The following KCNG2 variants were observed in gnomAD, a reference collection of about 807,000 sequenced individuals.
KCNG2 encodes the protein voltage-gated potassium channel regulatory subunit KCNG2.
KCNG2 carries 7 observed loss-of-function variants against 12.3 expected under a neutral mutation model. That is an observed-to-expected ratio of 0.57 (90% CI 0.32 to 1.07). The LOEUF is 1.07. Among genes scored for constraint, KCNG2 ranks in the 50% least tolerant of loss-of-function variants. KCNG2 has a pLI of 0.04. For synonymous variants in KCNG2, 414 were observed against 351.4 expected (o/e 1.18, Z -1.99); for missense variants, 703 against 726.0 (o/e 0.97, Z 0.36).
intron 1 of KCNG2, among the ~76,000 whole-genome samples, chr18:79,806,048 C>T (rs368716831): frequency 2.4e-4 from 36 of 152,230 alleles, no homozygotes; most frequent in East Asian, 1.4e-3. Flanking sequence ...AGGAAGGAGG[C>T]GGCTGGGATA....
chr18:79,812,445 G>T (rs1483967195), intron 1 of KCNG2, among the ~76,000 whole-genome samples: 3 of 152,128 alleles, frequency 2.0e-5, no homozygotes, highest in Non-Finnish European at 4.4e-5. Flanking sequence ...ACTTAAAGAA[G>T]AATTCATTCT....
intron 1 of KCNG2, among the ~76,000 whole-genome samples, chr18:79,811,120 A>G (rs1390907674): frequency 6.6e-6 from 1 of 152,258 alleles, no homozygotes; most frequent in Non-Finnish European, 1.5e-5. Context: ...GTTCACGGAT[A>G]GGAAGACTTA....
At chr18:79,842,539 G>C (rs1978493030) in intron 1 of KCNG2, among the ~76,000 whole-genome samples, 1 of 152,138 alleles carries the variant, frequency 6.6e-6, no homozygotes, top group East Asian at 1.9e-4. Flanking sequence ...CAAACAGCCT[G>C]ACAAAGAATT....
intron 1 of KCNG2, among the ~76,000 whole-genome samples, chr18:79,820,839 G>A (rs1171473530): frequency 6.6e-6 from 1 of 152,016 alleles, no homozygotes; most frequent in African/African-American, 2.4e-5. Flanking sequence ...TGTAGAGAGA[G>A]GGTCTCGCTA....
intron 3 of KCNG2, among the ~76,000 whole-genome samples, chr18:79,880,336 ATT>A (rs1329390562): frequency 1.1e-4 from 17 of 150,806 alleles, no homozygotes; most frequent in African/African-American, 2.4e-4. Context: ...AAAAAAAAAA[ATT>A]ACATGTACAA....
intron 3 of KCNG2, among the ~76,000 whole-genome samples, chr18:79,888,699 A>G (rs1339561251): frequency 2.1e-5 from 3 of 145,310 alleles, no homozygotes; most frequent in Admixed American, 6.8e-5. Flanking sequence ...CTTTTGCCCA[A>G]TTTTTTTTTT....
At chr18:79,834,836 G>T (rs576526215) in intron 1 of KCNG2, among the ~76,000 whole-genome samples, 19 of 152,314 alleles carry the variant, frequency 1.2e-4, no homozygotes, top group African/African-American at 4.6e-4. Flanking sequence ...GTTCCTGATG[G>T]CTGAGTGCAC....
Position 79,846,001 on chromosome 18 carries a change from G to GGCGAA in KCNG2, c.-114-10378_-114-10377insGCGAA, listed in dbSNP as rs543126335. ...AGCTACTCGGGAGGCTGAGGCAGGA[G>GGCGAA]AATGGCGTGAACCCAGGAGGTGGAG... is the stretch of plus-strand genomic sequence containing the variant. On this transcript the variant is annotated intron_variant, in intron 1 of 3. Transcript: ENST00000316249. 1.1e-4 allele frequency among the ~76,000 whole-genome samples: 16 copies of GGCGAA among 151,132 alleles called. No individual in the cohort carries two copies. The South Asian group carries it at 3.4e-3, about 32-fold the overall frequency.
chr18:79,830,606 C>A (rs113761119), intron 1 of KCNG2, among the ~76,000 whole-genome samples: 1 of 152,256 alleles, frequency 6.6e-6, no homozygotes, highest in Non-Finnish European at 1.5e-5. Flanking sequence ...CAGAGGCCAG[C>A]GAGAGAGATG....
chr18:79,821,609 A>T (rs932529804), intron 1 of KCNG2, among the ~76,000 whole-genome samples: 1 of 152,028 alleles, frequency 6.6e-6, no homozygotes, highest in Non-Finnish European at 1.5e-5. Flanking sequence ...AATTGTGTAT[A>T]TGGGGTGGGG....
In KCNG2 at chr18:79,828,607, G is replaced by A. The variant is rs554680315; in HGVS notation, c.-114-27772G>A. ...TGTCTGCATGTGGGTGTGTGGATGT[G>A]TGTAACGTGTCTATGATGTGTTCAT... On this transcript the variant is annotated intron_variant, in intron 1 of 3. Transcript: ENST00000316249. Among the ~76,000 whole-genome samples the A allele has an allele frequency of 2.6e-5, 4 of 152,088 alleles. No homozygotes were observed. The South Asian group carries it at 6.2e-4, about 24-fold the overall frequency.
intron 1 of KCNG2, among the ~76,000 whole-genome samples, chr18:79,852,594 C>T (rs1044292705): frequency 3.3e-5 from 5 of 152,262 alleles, no homozygotes; most frequent in African/African-American, 1.2e-4. Context: ...ACTTGGGCTT[C>T]GCCCTGACAG....
intron 3 of KCNG2, among the ~76,000 whole-genome samples, chr18:79,893,142 A>T (rs1980809521): frequency 6.6e-6 from 1 of 151,282 alleles, no homozygotes; most frequent in South Asian, 2.1e-4. Flanking sequence ...TGTTCACGCC[A>T]TTCACATCTA....
At chr18:79,864,333 G>T in intron 3 of KCNG2, 42 bp downstream of exon 3, 2 of 1,421,918 alleles carry the variant, frequency 1.4e-6, no homozygotes, top group Non-Finnish European at 1.8e-6. Flanking sequence ...CCGGAGCTGG[G>T]GCTGGGCTGG....
In KCNG2 at chr18:79,814,899, T is replaced by C. The variant is rs1476956526; in HGVS notation, c.-115+16885T>C. Among the ~76,000 whole-genome samples, 5 of 143,864 alleles carry C rather than the reference T, an allele frequency of 3.5e-5. No homozygotes were observed. In the Admixed American group the frequency reaches 3.6e-4, roughly 10 times the overall value. The allele number at this position is 143,864 out of a possible 152,430, so 94.4% of individuals were successfully genotyped here. On this transcript the variant is annotated intron_variant, in intron 1 of 3. Coordinates refer to ENST00000316249, the MANE Select transcript of KCNG2 (RefSeq NM_012283.2). ...AAGGGTGAGGATGGCCATGTGCTTT[T>C]ACCCTGTGTGCTTTTTTTTTTTTTT...
intron 1 of KCNG2, among the ~76,000 whole-genome samples, chr18:79,818,059 G>A (rs533744572): frequency 1.3e-5 from 2 of 152,340 alleles, no homozygotes; most frequent in South Asian, 2.1e-4. Flanking sequence ...CAGGACAGAC[G>A]GCCAAGGCCC....
intron 1 of KCNG2, among the ~76,000 whole-genome samples, chr18:79,850,433 A>G (rs1274259420): frequency 2.0e-5 from 3 of 152,162 alleles, no homozygotes. Context: ...CTATTTCTTA[A>G]GTCAATTCTA....
At chr18:79,817,130 C>T (rs768718841) in intron 1 of KCNG2, among the ~76,000 whole-genome samples, 65 of 151,990 alleles carry the variant, frequency 4.3e-4, no homozygotes, top group Non-Finnish European at 8.2e-4. Flanking sequence ...ATGGCTGTCA[C>T]GCAGCTGCCA....
intron 1 of KCNG2, among the ~76,000 whole-genome samples, chr18:79,826,297 G>A (rs1192106929): frequency 2.0e-5 from 3 of 152,264 alleles, no homozygotes; most frequent in African/African-American, 7.2e-5. Context: ...CAGAGCTGCA[G>A]GGAAAGCAGG....
Sources: gnomAD v4.1 joint callset for allele counts (sites outside exome capture counted in the v4.1 genomes callset) on GRCh38, gnomAD v4.1.1 for gene constraint, MANE v1.5 for transcripts, NCBI Gene and HGNC (gene_info 2026-07-23, HGNC 2026-07-21) for gene names.